Variants in CDK6 observed in about 807,000 individuals in gnomAD.
CDK6 encodes the protein cyclin-dependent kinase 6.
In CDK6, 6 loss-of-function variants were observed where a neutral mutation model predicts 37.1. That is an observed-to-expected ratio of 0.16 (90% CI 0.09 to 0.32). The LOEUF (loss-of-function observed/expected upper bound fraction) is 0.32, where lower values mean the gene tolerates loss of function less well. Ranked by LOEUF, CDK6 falls within the 10% of genes least tolerant of loss-of-function variation. The pLI, the probability that CDK6 is intolerant of heterozygous loss-of-function variation, is 1.00. For synonymous variants in CDK6, 160 were observed against 161.3 expected, an observed-to-expected ratio of 0.99 and a Z score of 0.06; for missense variants, 224 against 418.9, an observed-to-expected ratio of 0.53 and a Z score of 4.06.
intron 3 of CDK6, among the ~76,000 whole-genome samples, chr7:92,732,586 C>A (rs1169543064): frequency 6.6e-6 from 1 of 151,798 alleles, no homozygotes; most frequent in Non-Finnish European, 1.5e-5. Context: ...AAGAGTAGAA[C>A]AGATAATTAT....
At chr7:92,816,461 A>T (rs1801031869) in intron 2 of CDK6, among the ~76,000 whole-genome samples, 1 of 152,142 alleles carries the variant, frequency 6.6e-6, no homozygotes, top group Non-Finnish European at 1.5e-5. Flanking sequence ...ATCATACAGA[A>T]TTGTTCTCTG....
At chr7:92,735,250 T>C (rs1298887100) in intron 3 of CDK6, among the ~76,000 whole-genome samples, 1 of 152,198 alleles carries the variant, frequency 6.6e-6, no homozygotes, top group Non-Finnish European at 1.5e-5. Flanking sequence ...ATAGTACAGA[T>C]TTTTTATTTC....
intron 5 of CDK6, among the ~76,000 whole-genome samples, chr7:92,650,897 T>C (rs1374012481): frequency 2.1e-5 from 3 of 142,584 alleles, no homozygotes; most frequent in African/African-American, 5.2e-5. Flanking sequence ...ATTCTCTCTC[T>C]TTTTTTTTTT....
chr7:92,725,901 A>C (rs1185126454), intron 3 of CDK6, 108 bp from the exon 4 acceptor site: 1 of 959,590 alleles, frequency 1.0e-6, no homozygotes, highest in Non-Finnish European at 1.6e-6. Context: ...GGCATGCGGC[A>C]GGCATTTGAC....
intron 6 of CDK6, among the ~76,000 whole-genome samples, chr7:92,620,076 A>G (rs934636370): frequency 6.6e-6 from 1 of 152,118 alleles, no homozygotes; most frequent in Non-Finnish European, 1.5e-5. Flanking sequence ...AGTCAGCTAG[A>G]AATTGATTAT....
chr7:92,649,098 A>G (rs1186195281), intron 5 of CDK6, among the ~76,000 whole-genome samples: 3 of 152,098 alleles, frequency 2.0e-5, no homozygotes, highest in Admixed American at 2.0e-4. Context: ...CTATATGTAT[A>G]TATCTTTGGA....
intron 4 of CDK6, among the ~76,000 whole-genome samples, chr7:92,708,823 G>A (rs1040050630): frequency 6.6e-6 from 1 of 152,120 alleles, no homozygotes; most frequent in Non-Finnish European, 1.5e-5. Context: ...GAATGAAAAT[G>A]TTAATCATAC....
At chr7:92,665,362 T>A (rs1249804872) in intron 5 of CDK6, among the ~76,000 whole-genome samples, 1 of 152,164 alleles carries the variant, frequency 6.6e-6, no homozygotes, top group African/African-American at 2.4e-5. Flanking sequence ...ATAACAATTT[T>A]TTTTTAGTAT....
At chr7:92,665,592 A>T (rs1391423904) in intron 5 of CDK6, among the ~76,000 whole-genome samples, 4 of 152,162 alleles carry the variant, frequency 2.6e-5, no homozygotes, top group Non-Finnish European at 5.9e-5. Context: ...TATATTTCCT[A>T]GGTATTTCAT....
At chr7:92,821,861 T>C (rs1801182308) in intron 2 of CDK6, among the ~76,000 whole-genome samples, 1 of 151,890 alleles carries the variant, frequency 6.6e-6, no homozygotes, top group Non-Finnish European at 1.5e-5. Flanking sequence ...ACAGAAGTAA[T>C]GGGACAAGGT....
At chr7:92,685,367 G>A (rs547319058) in intron 4 of CDK6, among the ~76,000 whole-genome samples, 1 of 152,298 alleles carries the variant, frequency 6.6e-6, no homozygotes, top group African/African-American at 2.4e-5. Context: ...ATGCGTGTTG[G>A]GGGCAGTGTG....
At chr7:92,744,242 CA>C (rs1169138733) in intron 3 of CDK6, among the ~76,000 whole-genome samples, 1 of 152,176 alleles carries the variant, frequency 6.6e-6, no homozygotes, top group East Asian at 1.9e-4. Context: ...CACAGCTCCA[CA>C]TGGCTGGGGA....
chr7:92,829,002 G>A (rs1466871110), intron 2 of CDK6, among the ~76,000 whole-genome samples: 2 of 152,068 alleles, frequency 1.3e-5, no homozygotes, highest in Non-Finnish European at 2.9e-5. Context: ...AAAAGCCCTA[G>A]TAAATGTATT....
chr7:92,737,983 A>G (rs542543335), intron 3 of CDK6, among the ~76,000 whole-genome samples: 1 of 152,220 alleles, frequency 6.6e-6, no homozygotes, highest in Admixed American at 6.5e-5. Context: ...TGTGCATATT[A>G]TCTGTTTTGG....
At chr7:92,827,132 T>C (rs1237366967) in intron 2 of CDK6, among the ~76,000 whole-genome samples, 1 of 152,202 alleles carries the variant, frequency 6.6e-6, no homozygotes, top group African/African-American at 2.4e-5. Flanking sequence ...AACAGTGAGA[T>C]AATTTTTTGC....
chr7:92,784,127 T>C (rs1206723361), intron 2 of CDK6, among the ~76,000 whole-genome samples: 4 of 151,566 alleles, frequency 2.6e-5, no homozygotes, highest in Admixed American at 1.3e-4. Context: ...TATCATAAAA[T>C]GCGATTTGTT....
At chr7:92,762,850 C>T (rs541525619) in intron 3 of CDK6, among the ~76,000 whole-genome samples, 14 of 152,240 alleles carry the variant, frequency 9.2e-5, no homozygotes, top group African/African-American at 2.6e-4. Flanking sequence ...GGATTACAGG[C>T]GTGAGCCACC....
rs372075337 is a variant in CDK6, at chr7:92,771,632, T to C, written c.369+3064A>G. ...CTCTTCTCTTATACTCTAAAGGTCCTTCAGAGCAGGTCCTCTCTTTCTCAT... is the reference window on the plus strand; with the variant it reads ...CTCTTCTCTTATACTCTAAAGGTCCCTCAGAGCAGGTCCTCTCTTTCTCAT... On this transcript the variant is annotated intron_variant, in intron 3 of 7. Coordinates refer to ENST00000424848, the MANE Select transcript of CDK6 (RefSeq NM_001145306.2). 7.0e-4 allele frequency among the ~76,000 whole-genome samples: 106 copies of C among 152,334 alleles called. 2 individuals carry two copies. The East Asian group carries it at 0.011, about 15-fold the overall frequency.
chr7:92,781,477 C>T (rs1488670981), intron 2 of CDK6, among the ~76,000 whole-genome samples: 1 of 152,220 alleles, frequency 6.6e-6, no homozygotes, highest in Non-Finnish European at 1.5e-5. Context: ...GGCAAGTTGC[C>T]TTCATCTAAT....
Sources: gnomAD v4.1 joint callset for allele counts (sites outside exome capture counted in the v4.1 genomes callset) on GRCh38, gnomAD v4.1.1 for gene constraint, MANE v1.5 for transcripts, NCBI Gene and HGNC (gene_info 2026-07-23, HGNC 2026-07-21) for gene names.